The following RLIG1 variants were observed in gnomAD, a reference collection of about 807,000 sequenced individuals.
RLIG1 encodes RNA 5'-phosphate and 3'-OH ligase 1, also known as RNA ligase 1.
chr12:88,047,056 C>T, the RLIG1 span: 1 of 1,311,898 alleles, frequency 7.6e-7, no homozygotes. Flanking sequence ...AAAATTCTCT[C>T]TACAAATGGC....
the RLIG1 span, chr12:88,049,121 C>T: frequency 4.2e-6 from 4 of 957,876 alleles, no homozygotes; most frequent in Non-Finnish European, 6.3e-6. Flanking sequence ...CTGCTTATTT[C>T]CAAGTATATT....
chr12:88,045,587 G>C, the RLIG1 span: 2 of 1,609,182 alleles, frequency 1.2e-6, no homozygotes, highest in Non-Finnish European at 1.7e-6. Context: ...GATAGGTTGG[G>C]TACCAGTAGA....
At chr12:88,046,055 T>C in the RLIG1 span, among the ~76,000 whole-genome samples, 3 of 152,188 alleles carry the variant, frequency 2.0e-5, no homozygotes, top group African/African-American at 4.8e-5. Flanking sequence ...CCCTTGCTTT[T>C]AAAAATTCAG....
At chr12:88,036,289 CAT>C in the RLIG1 span, among the ~76,000 whole-genome samples, 1 of 152,144 alleles carries the variant, frequency 6.6e-6, no homozygotes, top group Non-Finnish European at 1.5e-5. Flanking sequence ...ACGTGTTTTC[CAT>C]AGTGTGCCCT....
chr12:88,038,506 ATTTGTTTT>A, the RLIG1 span, among the ~76,000 whole-genome samples: 1 of 152,156 alleles, frequency 6.6e-6, no homozygotes, highest in Non-Finnish European at 1.5e-5. Flanking sequence ...GAGTCAAGAG[ATTTGTTTT>A]ATAGAGGCAA....
the RLIG1 span, chr12:88,036,075 TA>T: frequency 7.2e-7 from 1 of 1,381,216 alleles, no homozygotes; most frequent in Non-Finnish European, 9.5e-7. Context: ...CCTAATCAGG[TA>T]ATTGCCACAG....
chr12:88,035,551 C>A, the RLIG1 span: 2 of 1,285,404 alleles, frequency 1.6e-6, no homozygotes, highest in East Asian at 2.5e-5. Context: ...GTGTGCGTGG[C>A]CTGAGCCGTG....
At chr12:88,039,662 C>T in the RLIG1 span, among the ~76,000 whole-genome samples, 1 of 152,126 alleles carries the variant, frequency 6.6e-6, no homozygotes, top group South Asian at 2.1e-4. Flanking sequence ...CACCTCATCC[C>T]TCTTTCCTTT....
At chr12:88,036,625 T>C in the RLIG1 span, among the ~76,000 whole-genome samples, 1 of 152,220 alleles carries the variant, frequency 6.6e-6, no homozygotes, top group African/African-American at 2.4e-5. Flanking sequence ...AATCATTTCA[T>C]GCCAGTTTTC....
chr12:88,046,132 C>T, the RLIG1 span, among the ~76,000 whole-genome samples: 21 of 152,052 alleles, frequency 1.4e-4, no homozygotes, highest in Admixed American at 3.9e-4. Flanking sequence ...AAATAGCCAA[C>T]GGTATAAAGA....
chr12:88,038,397 A>T, the RLIG1 span, among the ~76,000 whole-genome samples: 1 of 152,114 alleles, frequency 6.6e-6, no homozygotes, highest in Non-Finnish European at 1.5e-5. Context: ...ATCAACATAG[A>T]CTCCTAAATA....
At chr12:88,035,977 G>A in the RLIG1 span, 1 of 1,520,230 alleles carries the variant, frequency 6.6e-7, no homozygotes, top group Non-Finnish European at 8.8e-7. Context: ...CTTATCAGGA[G>A]ATTCAAACTT....
chr12:88,036,253 T>TG, the RLIG1 span, among the ~76,000 whole-genome samples: 30 of 152,178 alleles, frequency 2.0e-4, no homozygotes, highest in Non-Finnish European at 3.7e-4. Context: ...CTAACTTTGG[T>TG]GTTCTCAAGG....
the RLIG1 span, chr12:88,042,817 T>C: frequency 1.4e-6 from 2 of 1,476,438 alleles, no homozygotes; most frequent in African/African-American, 1.5e-5. Flanking sequence ...TTGTTATTAC[T>C]TTTTTAGATC....
chr12:88,048,028 G>A, the RLIG1 span, among the ~76,000 whole-genome samples: 1 of 151,874 alleles, frequency 6.6e-6, no homozygotes, highest in South Asian at 2.1e-4. Context: ...CAAGGTGTCT[G>A]CCTTCATGAA....
the RLIG1 span, among the ~76,000 whole-genome samples, chr12:88,038,153 GAAC>G: frequency 2.0e-5 from 3 of 152,104 alleles, no homozygotes; most frequent in Admixed American, 2.0e-4. Flanking sequence ...CAAAGACATA[GAAC>G]TAAAATGGTT....
At chr12:88,045,559 T>C in the RLIG1 span, 1 of 1,556,254 alleles carries the variant, frequency 6.4e-7, no homozygotes, top group Non-Finnish European at 8.8e-7. Flanking sequence ...TAATAACAAA[T>C]AATTTTCTTC....
chr12:88,048,496 TTC>T, the RLIG1 span: 21 of 843,118 alleles, frequency 2.5e-5, no homozygotes, highest in African/African-American at 3.6e-4. Flanking sequence ...ATCTCAAGGT[TTC>T]TGTTCATTAT....
chr12:88,042,847 A>G, the RLIG1 span: 13 of 1,535,042 alleles, frequency 8.5e-6, no homozygotes, highest in Non-Finnish European at 1.1e-5. Flanking sequence ...TTTGGGCTCG[A>G]CTAGATAGAA....
Sources: gnomAD v4.1 joint callset for allele counts (sites outside exome capture counted in the v4.1 genomes callset) on GRCh38, gnomAD v4.1.1 for gene constraint, MANE v1.5 for transcripts, NCBI Gene and HGNC (gene_info 2026-07-23, HGNC 2026-07-21) for gene names.